Variants in EYS observed in about 807,000 individuals in gnomAD.
EYS encodes EGF-like photoreceptor maintenance factor, also known as protein eyes shut homolog.
A neutral mutation model predicts 282.1 loss-of-function variants in EYS; 250 were observed. The observed-to-expected ratio is 0.89, with a 90% CI of 0.80 to 0.98. The LOEUF (loss-of-function observed/expected upper bound fraction) is 0.98, where lower values mean the gene tolerates loss of function less well. Among genes scored for constraint, EYS ranks in the 50% least tolerant of loss-of-function variants. EYS has a pLI of 0.00. For synonymous variants in EYS, 1,355 were observed against 1,282.9 expected, an observed-to-expected ratio of 1.06 and a Z score of -1.20; for missense variants, 4,016 against 3,709.0, an observed-to-expected ratio of 1.08 and a Z score of -2.15.
intron 12 of EYS, among the ~76,000 whole-genome samples, chr6:65,230,802 G>A (rs978541769): frequency 3.3e-5 from 5 of 151,618 alleles, no homozygotes; most frequent in African/African-American, 9.7e-5. Flanking sequence ...AAAATTTGCA[G>A]TAGTAATATG....
chr6:65,163,706 T>C (rs1764904408), intron 12 of EYS, among the ~76,000 whole-genome samples: 1 of 151,316 alleles, frequency 6.6e-6, no homozygotes, highest in Non-Finnish European at 1.5e-5. Context: ...AAAATTATTT[T>C]TACATTTTTT....
intron 8 of EYS, among the ~76,000 whole-genome samples, chr6:65,364,281 G>C (rs1358349943): frequency 2.7e-5 from 4 of 147,046 alleles, no homozygotes; most frequent in Non-Finnish European, 6.0e-5. Flanking sequence ...ATTTATGGTA[G>C]AACATTGATT....
Position 64,902,122 on chromosome 6 carries a change from A to T in EYS, c.2837T>A (p.Leu946Gln). The change falls in exon 18 of 43, where the codon CTG (leucine) becomes CAG (glutamine). Residue 946 changes from leucine to glutamine, a missense_variant. Leu to Gln is a moderately radical substitution (Grantham distance 113). Transcript: ENST00000503581. ...AAAAGTAGCTTCTCACCTGTTTGTC[A>T]GATCCACACATGTTCCATTATTTTT... ...PCKNNGTCVD[L>Q]TNRFFCNCEP... 6.5e-7 allele frequency: 1 copy of T among 1,539,166 alleles called. No homozygotes were observed. The highest frequency in any genetic ancestry group is 8.8e-7 in the Non-Finnish European group (1 of 1,141,848).
chr6:64,955,470 C>T (rs1489434225), intron 14 of EYS, among the ~76,000 whole-genome samples: 1 of 152,120 alleles, frequency 6.6e-6, no homozygotes, highest in African/African-American at 2.4e-5. Flanking sequence ...AGGCAGTGCG[C>T]ATGGAAACAC....
intron 22 of EYS, among the ~76,000 whole-genome samples, chr6:64,678,956 C>A (rs1291994685): frequency 2.0e-5 from 3 of 147,996 alleles, no homozygotes; most frequent in African/African-American, 7.5e-5. Context: ...CACTGCACTC[C>A]AGCCTTGGCG....
At chr6:64,449,785 A>C (rs1285808848) in intron 26 of EYS, among the ~76,000 whole-genome samples, 2 of 152,240 alleles carry the variant, frequency 1.3e-5, no homozygotes, top group South Asian at 2.1e-4. Flanking sequence ...GAAATAAAAT[A>C]CTTTACAGAC....
At chr6:64,394,748 A>C (rs1773296689) in intron 28 of EYS, among the ~76,000 whole-genome samples, 1 of 152,034 alleles carries the variant, frequency 6.6e-6, no homozygotes. Flanking sequence ...AAAACACCAA[A>C]AGCAATGGCA....
At chr6:64,806,739 G>C (rs958460433) in intron 22 of EYS, among the ~76,000 whole-genome samples, 9 of 151,902 alleles carry the variant, frequency 5.9e-5, no homozygotes, top group Non-Finnish European at 1.2e-4. Flanking sequence ...TAAGATTAAA[G>C]GGAAATTTGG....
intron 35 of EYS, among the ~76,000 whole-genome samples, chr6:63,888,550 A>T (rs1231846880): frequency 1.3e-5 from 2 of 152,252 alleles, no homozygotes; most frequent in Admixed American, 6.5e-5. Context: ...AAGAGAGGTC[A>T]GACTGGTAGA....
chr6:64,772,584 T>C (rs1399010300), intron 22 of EYS, among the ~76,000 whole-genome samples: 2 of 151,724 alleles, frequency 1.3e-5, no homozygotes, highest in Non-Finnish European at 3.0e-5. Context: ...TGTTGTGCTA[T>C]CAAATACTAG....
At chr6:65,278,744 G>A (rs1768134342) in intron 12 of EYS, among the ~76,000 whole-genome samples, 1 of 152,086 alleles carries the variant, frequency 6.6e-6, no homozygotes, top group East Asian at 1.9e-4. Context: ...TGTGCCAGAT[G>A]ACATGAGATT....
chr6:64,993,540 C>G (rs1771146604), intron 14 of EYS, among the ~76,000 whole-genome samples: 1 of 127,586 alleles, frequency 7.8e-6, no homozygotes, highest in Non-Finnish European at 1.6e-5. Flanking sequence ...AACACATGGA[C>G]ACAGGAAGGG....
intron 30 of EYS, among the ~76,000 whole-genome samples, chr6:64,280,312 T>C (rs970184165): frequency 1.3e-5 from 2 of 152,178 alleles, no homozygotes; most frequent in African/African-American, 4.8e-5. Flanking sequence ...AAAAAGATTG[T>C]GTGACTGCAG....
chr6:64,732,230 A>C (rs1255269008), intron 22 of EYS, among the ~76,000 whole-genome samples: 1 of 138,218 alleles, frequency 7.2e-6, no homozygotes, highest in Non-Finnish European at 1.7e-5. Flanking sequence ...TGCTGGGTGC[A>C]GCAAACCACC....
intron 5 of EYS, among the ~76,000 whole-genome samples, chr6:65,407,846 T>G (rs1227123648): frequency 6.6e-6 from 1 of 151,672 alleles, no homozygotes; most frequent in Non-Finnish European, 1.5e-5. Flanking sequence ...ATGGTGAAAG[T>G]AGATATCATA....
chr6:65,649,767 A>C (rs923044269), intron 1 of EYS, among the ~76,000 whole-genome samples: 8 of 152,176 alleles, frequency 5.3e-5, no homozygotes, highest in Admixed American at 3.9e-4. Context: ...CGATGTAATG[A>C]TGTGTCATTG....
At chr6:64,745,779 G>A (rs1772539551) in intron 22 of EYS, among the ~76,000 whole-genome samples, 2 of 152,106 alleles carry the variant, frequency 1.3e-5, no homozygotes, top group Non-Finnish European at 2.9e-5. Context: ...AAGCATTATA[G>A]CTTTTGTTTT....
Position 65,057,824 on chromosome 6 carries a change from G to T in EYS, c.2024-97C>A. On this transcript the variant is annotated intron_variant, in intron 12 of 42. Transcript: ENST00000503581. ...TTGCACAAGCCTTTAATCCACTTAG[G>T]ATGACATCTGAAACCAAATTTATTA... The T allele has an allele frequency of 6.1e-6, 5 of 820,654 alleles. No homozygotes were observed. The South Asian group carries it at 7.9e-5, about 13-fold the overall frequency. The allele number at this position is 820,654 out of a possible 1,614,324, so 50.8% of individuals were successfully genotyped here.
At chr6:65,416,624 T>G (rs1767249876) in intron 5 of EYS, among the ~76,000 whole-genome samples, 1 of 152,004 alleles carries the variant, frequency 6.6e-6, no homozygotes, top group Non-Finnish European at 1.5e-5. Context: ...TTTAGACCAT[T>G]ATGTTTTATT....
Sources: allele counts gnomAD v4.1 joint callset (sites outside exome capture counted in the v4.1 genomes callset), GRCh38; gene constraint gnomAD v4.1.1; transcripts MANE v1.5; gene names NCBI Gene and HGNC (gene_info 2026-07-23, HGNC 2026-07-21).